Variants in LRIG3 observed in about 807,000 individuals in gnomAD.
The protein encoded by LRIG3 is leucine-rich repeats and immunoglobulin-like domains protein 3.
Under a neutral mutation model 114.5 loss-of-function variants are expected in LRIG3, and 76 were observed. The ratio of observed to expected loss-of-function variants is 0.66; its 90% CI spans 0.55 to 0.80. LRIG3 has a LOEUF of 0.80. Ranked by LOEUF, LRIG3 falls within the 30% of genes least tolerant of loss-of-function variation. The probability of loss-of-function intolerance (pLI) is 0.00; values close to 1 mark genes in which losing one functional copy is unlikely to be tolerated. For synonymous variants in LRIG3, 512 were observed against 519.8 expected, an observed-to-expected ratio of 0.98 and a Z score of 0.20; for missense variants, 1,239 against 1,382.8, an observed-to-expected ratio of 0.90 and a Z score of 1.65.
Position 58,882,946 on chromosome 12 carries a change from A to G in LRIG3, c.1403T>C (p.Val468Ala). 6.2e-7 allele frequency: 1 copy of G among 1,614,182 alleles called. No homozygotes were observed. Among genetic ancestry groups the G allele is most frequent in the Non-Finnish European group, 8.5e-7 (1 of 1,180,002 alleles). The change falls in exon 12 of 19, where the codon GTA becomes GCA. Residue 468 changes from valine to alanine, a missense_variant. Val to Ala is a moderately conservative substitution (Grantham distance 64). Transcript: ENST00000320743. ...WVAENNFQSF[V>A]NASCAHPQLL... ...CTGAGGATGGGCACAACTGGCATTT[A>G]CAAAGCTCTGAAAGTTGTTTTCCGC...
intron 10 of LRIG3, 128 bp downstream of exon 10, chr12:58,885,702 TA>T: frequency 2.1e-6 from 1 of 482,094 alleles, no homozygotes. Flanking sequence ...GGGAGATGTT[TA>T]AATATATTTT....
chr12:58,881,191 C>T (rs907379054), intron 12 of LRIG3, among the ~76,000 whole-genome samples: 3 of 152,256 alleles, frequency 2.0e-5, no homozygotes, highest in Non-Finnish European at 2.9e-5. Flanking sequence ...TTCCTGATCC[C>T]TTATGCTTTC....
In LRIG3 at chr12:58,920,149, G is replaced by C. The variant is rs761375944; in HGVS notation, c.87C>G (p.Ser29Arg). 6.5e-7 allele frequency: 1 copy of C among 1,542,776 alleles called. No homozygotes were observed. The highest frequency in any genetic ancestry group is 8.7e-7 in the Non-Finnish European group (1 of 1,146,340). Residue 29 changes from serine (S) to arginine (R), a missense_variant, in exon 1 of 19, where the codon AGC becomes AGG. Transcript: ENST00000320743. ...AVLGRAGRSDSGGRGELGQPS... is the reference protein window; with the variant it reads ...AVLGRAGRSDRGGRGELGQPS... The stretch of plus-strand genomic sequence containing the variant: ...GCTGCCCGAGTTCCCCGCGACCGCC[G>C]CTGTCTGACCGGCCAGCGCGCCCCA...
chr12:58,890,655 C>T lies in LRIG3; in HGVS notation c.515+10G>A. 1.3e-6 allele frequency: 2 copies of T among 1,551,956 alleles called. No homozygotes were observed. The highest frequency in any genetic ancestry group is 1.7e-6 in the Non-Finnish European group (2 of 1,153,556). ...AGGTGAAAGTTTTTGCTAAAGAAAA[C>T]TTCACTTACAGATATTTGAGCTGTA... On this transcript the variant is annotated intron_variant, in intron 4 of 18. Transcript: ENST00000320743.
chr12:58,887,319 C>A (rs1871308756), intron 8 of LRIG3, among the ~76,000 whole-genome samples: 1 of 152,176 alleles, frequency 6.6e-6, no homozygotes, highest in Non-Finnish European at 1.5e-5. Context: ...GCCCATTGCA[C>A]AACCTTAAAT....
intron 1 of LRIG3, among the ~76,000 whole-genome samples, chr12:58,915,848 C>G (rs1304042442): frequency 2.0e-5 from 3 of 152,072 alleles, no homozygotes; most frequent in Middle Eastern, 3.2e-3. Context: ...TTTTAGCACC[C>G]CAGACAGTCA....
At chr12:58,885,367 C>A (rs1416475516) in intron 10 of LRIG3, among the ~76,000 whole-genome samples, 1 of 152,150 alleles carries the variant, frequency 6.6e-6, no homozygotes, top group Non-Finnish European at 1.5e-5. Flanking sequence ...GCCAAGTCAT[C>A]TCCTTTAACT....
chr12:58,882,080 A>G (rs1278332245), intron 12 of LRIG3, among the ~76,000 whole-genome samples: 1 of 152,220 alleles, frequency 6.6e-6, no homozygotes, highest in African/African-American at 2.4e-5. Context: ...CTAAAAATAT[A>G]TATCGTGGAC....
Position 58,874,591 on chromosome 12 carries a change from T to TAG in LRIG3, c.2696-20_2696-19dup. The TAG allele has an allele frequency of 6.2e-7, 1 of 1,613,040 alleles. No individual in the cohort carries two copies. Among genetic ancestry groups the TAG allele is most frequent in the Non-Finnish European group, 8.5e-7 (1 of 1,179,604 alleles). On this transcript the variant is annotated intron_variant, in intron 16 of 18. Transcript: ENST00000320743. ...GCAGGTCCCTTTGAAACAAAAATCT[T>TAG]AGTCAATGATCCAATTATTCAAGTG...
rs1326701136 is a variant in LRIG3, at chr12:58,920,295, G to C, written c.-60C>G. On this transcript the variant is annotated 5_prime_UTR_variant, in exon 1 of 19. Transcript: ENST00000320743. ...CCCAGCCGGCGCGCGCTCGGGGCCC[G>C]GCACAAACTTCCAGCCGAGGGTGCA... The C allele has an allele frequency of 1.6e-5, 20 of 1,250,638 alleles. No individual in the cohort carries two copies. Among genetic ancestry groups the C allele is most frequent in the Non-Finnish European group, 1.8e-5 (18 of 981,582 alleles). 77.5% of individuals were successfully genotyped at this position (1,250,638 alleles called of 1,614,324 possible). A position where few individuals can be genotyped will look rare whatever the true frequency, so the allele number is the denominator to read the frequency against.
rs935102496 is a variant in LRIG3 at position 58,895,038 on chromosome 12, G to A, written c.384-4242C>T. ...AGGAGAACCACGTATTTTGGCCTCA[G>A]CTTCTCGGGTCCAGTGATAATGGTT... is the stretch of plus-strand genomic sequence containing the variant. On this transcript the variant is annotated intron_variant, in intron 3 of 18. Transcript: ENST00000320743. Among the ~76,000 whole-genome samples, 73 of 152,322 alleles carry A rather than the reference G, an allele frequency of 4.8e-4. 1 individual carries two copies. Among genetic ancestry groups the A allele is most frequent in the African/African-American group, 1.7e-3 (71 of 41,564 alleles).
intron 3 of LRIG3, among the ~76,000 whole-genome samples, chr12:58,891,772 T>G (rs1871463446): frequency 6.6e-6 from 1 of 152,168 alleles, no homozygotes; most frequent in Non-Finnish European, 1.5e-5. Flanking sequence ...CATAATTAGA[T>G]CCAAACATGT....
intron 14 of LRIG3, among the ~76,000 whole-genome samples, chr12:58,878,219 C>T (rs1433459435): frequency 2.0e-5 from 3 of 152,042 alleles, no homozygotes; most frequent in African/African-American, 7.2e-5. Flanking sequence ...AATCAGAATG[C>T]TTAAGTTTTT....
chr12:58,919,905 A>AG, intron 1 of LRIG3, 95 bp downstream of exon 1: 1 of 1,238,846 alleles, frequency 8.1e-7, no homozygotes, highest in Non-Finnish European at 1.1e-6. Flanking sequence ...TACGGCAAAA[A>AG]GGGGACTGCA....
In LRIG3 at chr12:58,887,928, G is replaced by A; in HGVS notation, c.952C>T (p.Leu318=). The A allele has an allele frequency of 6.2e-7, 1 of 1,609,012 alleles. No homozygotes were observed. ...AACCTTGATAAGTGATTGAAAGTTA[G>A]GTCCCTGTAAAGAAAAAAGAGAAAA... ...EFCQKLSELD[L]TFNHLSRLDD... is the part of the protein sequence containing the mutation. Residue 318 remains leucine (L), a synonymous_variant, in exon 8 of 19, where the codon CTA becomes TTA. Coordinates refer to ENST00000320743, the MANE Select transcript of LRIG3 (RefSeq NM_153377.5).
intron 1 of LRIG3, among the ~76,000 whole-genome samples, chr12:58,915,531 C>G (rs1283917883): frequency 6.6e-6 from 1 of 151,986 alleles, no homozygotes; most frequent in African/African-American, 2.4e-5. Context: ...TGAGAATAAA[C>G]CTGGATTCTC....
At chr12:58,876,095 AAAT>A (rs1039435286) in intron 16 of LRIG3, among the ~76,000 whole-genome samples, 1 of 152,196 alleles carries the variant, frequency 6.6e-6, no homozygotes, top group Non-Finnish European at 1.5e-5. Flanking sequence ...TTCTTAAAGA[AAAT>A]AATGTAAACC....
At chr12:58,878,301 T>C (rs1356937729) in intron 14 of LRIG3, among the ~76,000 whole-genome samples, 1 of 152,240 alleles carries the variant, frequency 6.6e-6, no homozygotes, top group East Asian at 1.9e-4. Flanking sequence ...TTTTATTATT[T>C]AGTATCTTAA....
intron 9 of LRIG3, 110 bp downstream of exon 9, chr12:58,886,700 A>T: frequency 1.2e-6 from 1 of 813,290 alleles, no homozygotes; most frequent in Non-Finnish European, 2.0e-6. Context: ...TAACCAGATT[A>T]AGCACTGATT....
Sources: allele counts gnomAD v4.1 joint callset (sites outside exome capture counted in the v4.1 genomes callset), GRCh38; gene constraint gnomAD v4.1.1; transcripts MANE v1.5; gene names NCBI Gene and HGNC (gene_info 2026-07-23, HGNC 2026-07-21).